ABCC4: variants seen among roughly 807,000 people sequenced by gnomAD.
ABCC4 encodes the protein ATP binding cassette subfamily C member 4 (PEL blood group), also known as ATP-binding cassette sub-family C member 4.
In ABCC4, 102 loss-of-function variants were observed where a neutral mutation model predicts 168.5. The ratio of observed to expected loss-of-function variants is 0.61; its 90% CI spans 0.52 to 0.71. ABCC4 has a LOEUF of 0.71. Ranked by LOEUF, ABCC4 falls within the 30% of genes least tolerant of loss-of-function variation. The pLI is 0.00. For synonymous variants in ABCC4, 617 were observed against 590.7 expected, an observed-to-expected ratio of 1.04 and a Z score of -0.65; for missense variants, 1,402 against 1,605.8, an observed-to-expected ratio of 0.87 and a Z score of 2.17.
intron 20 of ABCC4, among the ~76,000 whole-genome samples, chr13:95,102,860 A>T (rs1025800183): frequency 2.5e-4 from 37 of 150,214 alleles, no homozygotes; most frequent in Middle Eastern, 3.5e-3. Context: ...ACCTCAAGTG[A>T]TCCACCCACC....
intron 1 of ABCC4, among the ~76,000 whole-genome samples, chr13:95,267,794 G>C (rs1199774369): frequency 6.6e-6 from 1 of 152,200 alleles, no homozygotes; most frequent in Non-Finnish European, 1.5e-5. Flanking sequence ...CAGGATGGGG[G>C]CTGTGCATAT....
chr13:95,124,640 G>A (rs1012564746), intron 19 of ABCC4, among the ~76,000 whole-genome samples: 24 of 149,396 alleles, frequency 1.6e-4, no homozygotes, highest in Non-Finnish European at 3.3e-4. Flanking sequence ...AGGCAGAGGT[G>A]GGGGGATCAC....
chr13:95,164,229 G>T, intron 16 of ABCC4, 149 bp downstream of exon 16: 2 of 903,700 alleles, frequency 2.2e-6, no homozygotes, highest in Non-Finnish European at 3.3e-6. Flanking sequence ...AACGGACATG[G>T]AACACCAGTA....
chr13:95,274,279 C>T (rs188345038), intron 1 of ABCC4, among the ~76,000 whole-genome samples: 2 of 152,262 alleles, frequency 1.3e-5, no homozygotes, highest in Admixed American at 6.5e-5. Context: ...GATGTCTTGA[C>T]GTTTTGGAAA....
intron 4 of ABCC4, among the ~76,000 whole-genome samples, chr13:95,227,442 T>C (rs1212005529): frequency 6.6e-6 from 1 of 152,216 alleles, no homozygotes; most frequent in East Asian, 1.9e-4. Context: ...TAACGTATTA[T>C]GGACAATGTA....
chr13:95,110,047 G>A (rs1285211488), intron 20 of ABCC4, among the ~76,000 whole-genome samples: 1 of 152,148 alleles, frequency 6.6e-6, no homozygotes, highest in Non-Finnish European at 1.5e-5. Context: ...GATGGCGCAC[G>A]CCTGTAATCC....
intron 1 of ABCC4, among the ~76,000 whole-genome samples, chr13:95,295,322 C>A (rs189447558): frequency 6.6e-6 from 1 of 151,628 alleles, no homozygotes; most frequent in Non-Finnish European, 1.5e-5. Flanking sequence ...TTAAGACCAA[C>A]ATGGGCAACA....
chr13:95,285,377 C>G (rs1009028912), intron 1 of ABCC4, among the ~76,000 whole-genome samples: 2 of 151,950 alleles, frequency 1.3e-5, no homozygotes, highest in African/African-American at 4.8e-5. Context: ...ATGGTGAAAC[C>G]CCATCTCTAC....
chr13:95,098,659 A>G (rs1031892791), intron 20 of ABCC4, among the ~76,000 whole-genome samples: 1 of 152,222 alleles, frequency 6.6e-6, no homozygotes, highest in Admixed American at 6.5e-5. Context: ...ACATATACAA[A>G]TACACTTATG....
At chr13:95,252,080 G>A (rs1302970521) in intron 1 of ABCC4, among the ~76,000 whole-genome samples, 4 of 152,046 alleles carry the variant, frequency 2.6e-5, no homozygotes, top group African/African-American at 9.7e-5. Context: ...TCACAATACT[G>A]GTGTTCAAGT....
At chr13:95,289,037 T>C (rs2041329216) in intron 1 of ABCC4, among the ~76,000 whole-genome samples, 1 of 152,184 alleles carries the variant, frequency 6.6e-6, no homozygotes, top group Non-Finnish European at 1.5e-5. Context: ...TAAAACAAGA[T>C]GGATACCTTT....
At chr13:95,186,967 C>T (rs2038086245) in intron 10 of ABCC4, 75 bp from the exon 11 acceptor site, 3 of 1,312,772 alleles carry the variant, frequency 2.3e-6, no homozygotes, top group South Asian at 1.7e-5. Context: ...TGCAGCCTTG[C>T]CCAGCCCTGG....
intron 1 of ABCC4, among the ~76,000 whole-genome samples, chr13:95,271,642 C>T (rs9561823): frequency 6.6e-6 from 1 of 152,174 alleles, no homozygotes; most frequent in African/African-American, 2.4e-5. Flanking sequence ...TGTACCAAAC[C>T]TCAAGGATAC....
At chr13:95,227,897 A>AT (rs201146790) in intron 4 of ABCC4, among the ~76,000 whole-genome samples, 6,514 of 152,050 alleles carry the variant, frequency 0.043, 203 homozygotes, top group Admixed American at 0.081. Flanking sequence ...TTTAGTAGAG[A>AT]TGGGGTTTCA....
intron 30 of ABCC4, among the ~76,000 whole-genome samples, chr13:95,027,735 A>C (rs2031619844): frequency 1.3e-5 from 2 of 152,240 alleles, no homozygotes; most frequent in African/African-American, 4.8e-5. Flanking sequence ...GAACACATGC[A>C]AAACAATATT....
intron 4 of ABCC4, among the ~76,000 whole-genome samples, chr13:95,232,830 A>C (rs945950592): frequency 2.0e-5 from 3 of 152,210 alleles, no homozygotes; most frequent in Non-Finnish European, 4.4e-5. Context: ...CTTCTATAAC[A>C]GTTAAGACCA....
At chr13:95,107,313 A>G (rs573397398) in intron 20 of ABCC4, among the ~76,000 whole-genome samples, 31 of 152,334 alleles carry the variant, frequency 2.0e-4, no homozygotes, top group African/African-American at 7.5e-4. Context: ...TGACAGAAAC[A>G]TTCCATTTAA....
intron 4 of ABCC4, 135 bp from the exon 5 acceptor site, chr13:95,210,916 GC>G (rs1256092315): frequency 1.2e-5 from 7 of 586,470 alleles, no homozygotes; most frequent in Non-Finnish European, 1.5e-5. Context: ...CCCCCCCACT[GC>G]CCCCTCTCTC....
intron 26 of ABCC4, among the ~76,000 whole-genome samples, chr13:95,058,567 CAAAAAAAAAAAA>C (rs1165324016): frequency 4.8e-5 from 3 of 62,792 alleles, no homozygotes; most frequent in Non-Finnish European, 5.9e-5. Context: ...GACTCCATCT[CAAAAAAAAAAAA>C]AAAAAAAAAA....
Sources: allele counts gnomAD v4.1 joint callset (sites outside exome capture counted in the v4.1 genomes callset), GRCh38; gene constraint gnomAD v4.1.1; transcripts MANE v1.5; gene names NCBI Gene and HGNC (gene_info 2026-07-23, HGNC 2026-07-21).